Variants in AGAP1 observed in about 807,000 individuals in gnomAD.
AGAP1 encodes the protein arf-GAP with GTPase, ANK repeat and PH domain-containing protein 1.
Under a neutral mutation model 105.3 loss-of-function variants are expected in AGAP1, and 29 were observed. That is an observed-to-expected ratio of 0.28 (90% CI 0.21 to 0.38). AGAP1 has a LOEUF of 0.38. Ranked by LOEUF, AGAP1 falls within the 10% of genes least tolerant of loss-of-function variation. AGAP1 has a pLI of 1.00. For missense variants in AGAP1, 998 were observed against 1,165.1 expected (o/e 0.86, Z 2.09); for synonymous variants, 509 against 485.9 (o/e 1.05, Z -0.63).
At chr2:235,909,407 T>A (rs978482083) in intron 11 of AGAP1, among the ~76,000 whole-genome samples, 7 of 152,226 alleles carry the variant, frequency 4.6e-5, no homozygotes, top group Non-Finnish European at 1.0e-4. Flanking sequence ...TAAAGGAGAT[T>A]TTTTTTCATT....
chr2:235,776,855 A>G (rs753629271), intron 6 of AGAP1: 5 of 467,534 alleles, frequency 1.1e-5, no homozygotes, highest in South Asian at 3.1e-5. Flanking sequence ...CCCTTTTCCA[A>G]AATCTCGAGG....
chr2:235,550,099 C>T lies in AGAP1; in HGVS notation c.163+55250C>T, dbSNP rs912830442. Among the ~76,000 whole-genome samples the T allele has an allele frequency of 7.2e-5, 11 of 152,296 alleles. No homozygotes were observed. Among genetic ancestry groups the T allele is most frequent in the African/African-American group, 2.6e-4 (11 of 41,558 alleles). Reference sequence around the variant, plus strand: ...GGTTGCTGCTTCAGAGATCAAGTGGCATGTCCACATCTGGAGTAGACCCTG... The same window carrying T: ...GGTTGCTGCTTCAGAGATCAAGTGGTATGTCCACATCTGGAGTAGACCCTG... On this transcript the variant is annotated intron_variant, in intron 1 of 17. Transcript: ENST00000304032. The surrounding 1 kb of genome is among the most constrained non-coding windows in gnomAD (Gnocchi z 4.6).
chr2:235,760,568 A>G (rs2696396), intron 6 of AGAP1, among the ~76,000 whole-genome samples: 42,547 of 152,086 alleles, frequency 0.28, 6,265 homozygotes, highest in Admixed American at 0.41. Context: ...TTTCTTGTTT[A>G]GAGTTGCCCT....
rs961185465 is a variant in AGAP1 at position 235,959,443 on chromosome 2, G to A, written c.1484-9019G>A. ...AACAACTCCTTGAAAGCGAGCTCTC[G>A]ACACCTAGAAGCCAGGGGCATTCAT... On this transcript the variant is annotated intron_variant, in intron 12 of 17. Coordinates refer to ENST00000304032, the MANE Select transcript of AGAP1 (RefSeq NM_001037131.3). This position sits in a 1 kb window ranked among gnomAD's most constrained non-coding sequence, Gnocchi z 7.3. Among the ~76,000 whole-genome samples the A allele has an allele frequency of 3.3e-5, 5 of 152,142 alleles. No individual in the cohort carries two copies. Among genetic ancestry groups the A allele is most frequent in the East Asian group, 1.9e-4 (1 of 5,172 alleles).
rs2052691768 is a variant in AGAP1 at position 235,930,896 on chromosome 2, G to T, written c.1456G>T (p.Val486Phe). 7 of 1,613,988 alleles carry T rather than the reference G, an allele frequency of 4.3e-6. No individual in the cohort carries two copies. The highest frequency in any genetic ancestry group is 3.3e-4 in the Middle Eastern group (2 of 6,060). Residue 486 changes from valine (V) to phenylalanine (F), a missense_variant, in exon 12 of 18, where the codon GTC (valine) becomes TTC (phenylalanine). Physicochemically the swap from Val to Phe is conservative, Grantham distance 50 (BLOSUM62 -1). Coordinates refer to ENST00000304032, the MANE Select transcript of AGAP1 (RefSeq NM_001037131.3). The surrounding 1 kb of genome is among the most constrained non-coding windows in gnomAD (Gnocchi z 7.9). ...SSADQWSEAT[V>F]IANSAISSDT... ...TGCCGACCAGTGGAGTGAGGCTACG[G>T]TCATTGCAAACTCGGCCATCAGCAG...
chr2:235,702,174 A>T (rs1156496879), intron 1 of AGAP1, among the ~76,000 whole-genome samples: 1 of 152,118 alleles, frequency 6.6e-6, no homozygotes, highest in Non-Finnish European at 1.5e-5. Flanking sequence ...GTGACACGGG[A>T]GACCATCAAG....
At chr2:235,521,800 CTGT>C (rs1942634365) in intron 1 of AGAP1, among the ~76,000 whole-genome samples, 1 of 149,312 alleles carries the variant, frequency 6.7e-6, no homozygotes, top group African/African-American at 2.5e-5. Context: ...AAAAATAGTG[CTGT>C]ATAGTCTACG....
In AGAP1 at chr2:236,113,226, C is replaced by T. The variant is rs1299562611; in HGVS notation, c.2115-6966C>T. On this transcript the variant is annotated intron_variant, in intron 16 of 17. Transcript: ENST00000304032. This position sits in a 1 kb window ranked among gnomAD's most constrained non-coding sequence, Gnocchi z 4.3. ...TGCAATCTCAACTCACTGCAACCTC[C>T]GCCTCCCGGGTTCAAGCAATTCTCT... Among the ~76,000 whole-genome samples, 3 of 152,134 alleles carry T rather than the reference C, an allele frequency of 2.0e-5. No homozygotes were observed. Among genetic ancestry groups the T allele is most frequent in the Admixed American group, 6.5e-5 (1 of 15,278 alleles).
In AGAP1 at chr2:235,596,223, G is replaced by A. The variant is rs115080781; in HGVS notation, c.163+101374G>A. Among the ~76,000 whole-genome samples, 678 of 152,348 alleles carry A rather than the reference G, an allele frequency of 4.5e-3. 5 individuals carry two copies. Among genetic ancestry groups the A allele is most frequent in the Non-Finnish European group, 7.2e-3 (488 of 68,034 alleles). On this transcript the variant is annotated intron_variant, in intron 1 of 17. Coordinates refer to ENST00000304032, the MANE Select transcript of AGAP1 (RefSeq NM_001037131.3). This position sits in a 1 kb window ranked among gnomAD's most constrained non-coding sequence, Gnocchi z 5.9. ...GCTCCATCTAAGGTGATTAAACGGA[G>A]TCAGAACCCGGCCATGGATGTGTAT...
intron 2 of AGAP1, 47 bp from the exon 3 acceptor site, chr2:235,717,510 A>G (rs367564966): frequency 1.3e-6 from 2 of 1,522,672 alleles, no homozygotes; most frequent in Admixed American, 2.2e-5. Context: ...CAAAATGCCA[A>G]ATAGAGTGAT....
chr2:235,728,626 A>G lies in AGAP1; in HGVS notation c.310+10982A>G, dbSNP rs1051309780. ...GCTGGTGGTGGTCTGTTCTTGTTGT[A>G]TGAGGGCAGCCCATGTCGCCAGCAT... On this transcript the variant is annotated intron_variant, in intron 3 of 17. Transcript: ENST00000304032. This position sits in a 1 kb window ranked among gnomAD's most constrained non-coding sequence, Gnocchi z 4.3. Among the ~76,000 whole-genome samples, 1 of 152,036 alleles carries G rather than the reference A, an allele frequency of 6.6e-6. No homozygotes were observed. The highest frequency in any genetic ancestry group is 1.5e-5 in the Non-Finnish European group (1 of 68,012).
chr2:235,782,968 GGTTT>G (rs993313370), intron 6 of AGAP1, among the ~76,000 whole-genome samples: 12 of 151,910 alleles, frequency 7.9e-5, no homozygotes, highest in African/African-American at 1.9e-4. Context: ...AATAAATTGT[GGTTT>G]GTTTATTTTA....
rs13431840 is a variant in AGAP1, at chr2:235,550,068, G to A, written c.163+55219G>A. 0.057 allele frequency among the ~76,000 whole-genome samples: 8,670 copies of A among 152,200 alleles called. 763 individuals are homozygous for A. Among genetic ancestry groups the A allele is most frequent in the African/African-American group, 0.19 (7,918 of 41,488 alleles). On this transcript the variant is annotated intron_variant, in intron 1 of 17. Transcript: ENST00000304032. The surrounding 1 kb of genome is among the most constrained non-coding windows in gnomAD (Gnocchi z 4.6). ...TGTATTGTACATTTTTAGGAAGGACGGGTAGGGTTGCTGCTTCAGAGATCA... is the reference window on the plus strand; with the variant it reads ...TGTATTGTACATTTTTAGGAAGGACAGGTAGGGTTGCTGCTTCAGAGATCA...
At chr2:235,835,620 G>A (rs542587522) in intron 9 of AGAP1, among the ~76,000 whole-genome samples, 1 of 152,358 alleles carries the variant, frequency 6.6e-6, no homozygotes, top group East Asian at 1.9e-4. Flanking sequence ...AGGAGGACAA[G>A]GGGTTCATAT....
chr2:235,576,406 T>G (rs2149177166), intron 1 of AGAP1, among the ~76,000 whole-genome samples: 1 of 152,338 alleles, frequency 6.6e-6, no homozygotes, highest in African/African-American at 2.4e-5. Context: ...GTGCGCTGTG[T>G]CCTCATTTGC....
intron 9 of AGAP1, among the ~76,000 whole-genome samples, chr2:235,831,477 A>T (rs1217115780): frequency 6.6e-6 from 1 of 152,148 alleles, no homozygotes; most frequent in Non-Finnish European, 1.5e-5. Context: ...CCACCTCTTC[A>T]TTTCCCCCAC....
rs995350766 is a variant in AGAP1, at chr2:235,577,382, G to T, written c.163+82533G>T. 6.6e-6 allele frequency among the ~76,000 whole-genome samples: 1 copy of T among 152,164 alleles called. No homozygotes were observed. Among genetic ancestry groups the T allele is most frequent in the African/African-American group, 2.4e-5 (1 of 41,436 alleles). On this transcript the variant is annotated intron_variant, in intron 1 of 17. Transcript: ENST00000304032. This position sits in a 1 kb window ranked among gnomAD's most constrained non-coding sequence, Gnocchi z 4.5. ...AGTAGCACCTGTGGCTGGAGCTACT[G>T]TATTGGGCACCACGGCCTTAGGGTT...
chr2:236,011,971 A>G (rs1180270645), intron 13 of AGAP1, among the ~76,000 whole-genome samples: 2 of 152,092 alleles, frequency 1.3e-5, no homozygotes, highest in African/African-American at 4.8e-5. Flanking sequence ...GGTGTTATTG[A>G]TGATAATAGG....
chr2:235,526,301 C>T (rs1942835959), intron 1 of AGAP1, among the ~76,000 whole-genome samples: 1 of 152,240 alleles, frequency 6.6e-6, no homozygotes, highest in Non-Finnish European at 1.5e-5. Flanking sequence ...AATCCAGAGG[C>T]ATATCTAGGT....
Sources: allele counts gnomAD v4.1 joint callset (sites outside exome capture counted in the v4.1 genomes callset), GRCh38; gene constraint gnomAD v4.1.1; non-coding constraint Gnocchi (gnomAD v3.1); transcripts MANE v1.5; gene names NCBI Gene and HGNC (gene_info 2026-07-23, HGNC 2026-07-21).